The following NFKB1 variants were observed in gnomAD, a reference collection of about 807,000 sequenced individuals.
NFKB1 encodes nuclear factor NF-kappa-B p105 subunit.
In NFKB1, 9 loss-of-function variants were observed where a neutral mutation model predicts 105.1. The ratio of observed to expected loss-of-function variants is 0.09; its 90% CI spans 0.05 to 0.15. NFKB1 has a LOEUF of 0.15. NFKB1 is among the 10% of genes least tolerant of loss of function. The probability of loss-of-function intolerance (pLI) is 1.00; values close to 1 mark genes in which losing one functional copy is unlikely to be tolerated. For missense variants in NFKB1, 830 were observed against 1,203.7 expected, an observed-to-expected ratio of 0.69 and a Z score of 4.59; for synonymous variants, 440 against 442.2, an observed-to-expected ratio of 1.00 and a Z score of 0.06.
chr4:102,507,450 T>C (rs1739494461), intron 1 of NFKB1, among the ~76,000 whole-genome samples: 1 of 152,056 alleles, frequency 6.6e-6, no homozygotes, highest in Non-Finnish European at 1.5e-5. Context: ...ACCTTTTTTT[T>C]GTAATTTATT....
At chr4:102,586,445 A>G (rs1195514220) in intron 11 of NFKB1, among the ~76,000 whole-genome samples, 1 of 152,126 alleles carries the variant, frequency 6.6e-6, no homozygotes, top group Non-Finnish European at 1.5e-5. Context: ...GGCAGATCAA[A>G]AGGCAGAACT....
intron 16 of NFKB1, among the ~76,000 whole-genome samples, chr4:102,603,865 G>A (rs1727438079): frequency 6.6e-6 from 1 of 152,052 alleles, no homozygotes. Flanking sequence ...TAGTCCAAGT[G>A]CACCGAGTTA....
At chr4:102,571,095 T>G (rs1724307914) in intron 6 of NFKB1, among the ~76,000 whole-genome samples, 1 of 152,200 alleles carries the variant, frequency 6.6e-6, no homozygotes, top group Admixed American at 6.5e-5. Context: ...ACTACAAGGC[T>G]ACAGTAACCA....
intron 1 of NFKB1, among the ~76,000 whole-genome samples, chr4:102,511,102 C>A (rs1023411421): frequency 2.0e-5 from 3 of 152,048 alleles, no homozygotes; most frequent in African/African-American, 7.2e-5. Context: ...TTTTTTCCTT[C>A]CTTTTTTTTG....
At chr4:102,542,917 GACTA>G (rs1721834305) in intron 5 of NFKB1, among the ~76,000 whole-genome samples, 1 of 152,202 alleles carries the variant, frequency 6.6e-6, no homozygotes. Context: ...TAAGTATGCA[GACTA>G]ACTCTTATAT....
At chr4:102,599,478 C>G (rs923664548) in intron 15 of NFKB1, among the ~76,000 whole-genome samples, 1 of 152,176 alleles carries the variant, frequency 6.6e-6, no homozygotes, top group Admixed American at 6.5e-5. Context: ...CAGCCTGTAC[C>G]TCGTGTCCCA....
chr4:102,512,479 G>A (rs1365017327), intron 1 of NFKB1, among the ~76,000 whole-genome samples: 4 of 152,126 alleles, frequency 2.6e-5, no homozygotes, highest in African/African-American at 7.2e-5. Flanking sequence ...CACCCAAGTA[G>A]GTGGGACTAC....
At chr4:102,547,146 T>C (rs950030502) in intron 5 of NFKB1, among the ~76,000 whole-genome samples, 1 of 152,182 alleles carries the variant, frequency 6.6e-6, no homozygotes, top group Non-Finnish European at 1.5e-5. Flanking sequence ...CTTCAGATAA[T>C]TGAATTACCA....
Position 102,610,570 on chromosome 4 carries a change from C to T in NFKB1, c.2228-5C>T, listed in dbSNP as rs1382804350. ...TACCTAATGCTGTGTAATCTAACTTCGCAGGAGCAGATCCCCTGGTGGAGA... is the reference window on the plus strand; with the variant it reads ...TACCTAATGCTGTGTAATCTAACTTTGCAGGAGCAGATCCCCTGGTGGAGA... On this transcript the variant is annotated splice_polypyrimidine_tract_variant and splice_region_variant and intron_variant, in intron 19 of 23. Coordinates refer to ENST00000226574, the MANE Select transcript of NFKB1 (RefSeq NM_003998.4). 4.3e-6 allele frequency: 7 copies of T among 1,613,630 alleles called. No individual in the cohort carries two copies. The highest frequency in any genetic ancestry group is 3.3e-5 in the Admixed American group (2 of 60,010).
chr4:102,607,068 T>G, intron 17 of NFKB1, 82 bp from the exon 18 acceptor site: 1 of 1,381,400 alleles, frequency 7.2e-7, no homozygotes, highest in South Asian at 1.2e-5. Context: ...GATTCAGTTT[T>G]TGCCATTTCC....
In NFKB1 at chr4:102,581,653, CA is replaced by C. The variant is rs540380472; in HGVS notation, c.835+1022del. Reference sequence around the variant, plus strand: ...TAGATGACAGAGCGAGACCCTGTCTCAAAAAAAAGAAGTTTACACTTTCTCT... The same window carrying C: ...TAGATGACAGAGCGAGACCCTGTCTCAAAAAAAGAAGTTTACACTTTCTCT... On this transcript the variant is annotated intron_variant, in intron 9 of 23. Transcript: ENST00000226574. 3.1e-3 allele frequency among the ~76,000 whole-genome samples: 473 copies of C among 151,596 alleles called. 1 individual carries two copies. The highest frequency in any genetic ancestry group is 0.011 in the African/African-American group (440 of 41,290).
At chr4:102,532,151 G>A (rs1741331862) in intron 3 of NFKB1, among the ~76,000 whole-genome samples, 1 of 151,932 alleles carries the variant, frequency 6.6e-6, no homozygotes, top group African/African-American at 2.4e-5. Flanking sequence ...GACAAAAGAT[G>A]GTAATTTAAT....
At chr4:102,576,182 A>G (rs1724805534) in intron 6 of NFKB1, among the ~76,000 whole-genome samples, 1 of 152,194 alleles carries the variant, frequency 6.6e-6, no homozygotes, top group Admixed American at 6.5e-5. Context: ...GTTTACGTGT[A>G]TACTTAGATG....
At chr4:102,583,702 G>A (rs2149191169) in intron 10 of NFKB1, among the ~76,000 whole-genome samples, 1 of 151,842 alleles carries the variant, frequency 6.6e-6, no homozygotes, top group Admixed American at 6.6e-5. Flanking sequence ...TAAATGATCA[G>A]TTTAATCATT....
At chr4:102,556,893 A>G (rs1723027533) in intron 5 of NFKB1, among the ~76,000 whole-genome samples, 1 of 152,172 alleles carries the variant, frequency 6.6e-6, no homozygotes, top group African/African-American at 2.4e-5. Context: ...ATTATCCAGA[A>G]GGGGCTTTTT....
chr4:102,541,487 A>G (rs1741995196), intron 5 of NFKB1, among the ~76,000 whole-genome samples: 1 of 152,218 alleles, frequency 6.6e-6, no homozygotes, highest in African/African-American at 2.4e-5. Context: ...TAAAATATGT[A>G]TCTTCAACAT....
chr4:102,600,938 A>G lies in NFKB1; in HGVS notation c.1681A>G (p.Arg561Gly). 6.2e-7 allele frequency: 1 copy of G among 1,612,504 alleles called. No homozygotes were observed. Among genetic ancestry groups the G allele is most frequent in the South Asian group, 1.1e-5 (1 of 91,046 alleles). The change falls in exon 16 of 24, where the codon AGG becomes GGG. Residue 561 changes from arginine (R) to glycine (G), a missense_variant. Arg to Gly is a moderately radical substitution (Grantham distance 125). Coordinates refer to ENST00000226574, the MANE Select transcript of NFKB1 (RefSeq NM_003998.4). ...CATCCACCTTCATTCTCAACTTGTG[A>G]GGGATCTACTAGAAGTCACATCTGG... ...AIIHLHSQLVRDLLEVTSGLI... is the reference protein window; with the variant it reads ...AIIHLHSQLVGDLLEVTSGLI...
At chr4:102,516,343 TTTTTTCTGTC>T (rs1230092483) in intron 1 of NFKB1, among the ~76,000 whole-genome samples, 2 of 126,612 alleles carry the variant, frequency 1.6e-5, no homozygotes, top group Admixed American at 7.2e-5. Context: ...TTTTTGAATA[TTTTTTCTGTC>T]TTTTTTCTGT....
chr4:102,578,110 A>G (rs1725013937), intron 7 of NFKB1: 1 of 428,448 alleles, frequency 2.3e-6, no homozygotes, highest in South Asian at 9.8e-5. Context: ...GCCTTGGCAC[A>G]TTCTTTCTAT....
Sources: allele counts gnomAD v4.1 joint callset (sites outside exome capture counted in the v4.1 genomes callset), GRCh38; gene constraint gnomAD v4.1.1; transcripts MANE v1.5; gene names NCBI Gene and HGNC (gene_info 2026-07-23, HGNC 2026-07-21).